Variants in SLC39A9 observed in about 807,000 individuals in gnomAD.
SLC39A9 encodes zinc transporter ZIP9.
Under a neutral mutation model 28.4 loss-of-function variants are expected in SLC39A9, and 14 were observed. That is an observed-to-expected ratio of 0.49 (90% CI 0.33 to 0.77). The LOEUF is 0.77. Among genes scored for constraint, SLC39A9 ranks in the 30% least tolerant of loss-of-function variants. SLC39A9 has a pLI of 0.02. For synonymous variants in SLC39A9, 119 were observed against 149.6 expected (o/e 0.80, Z 1.49); for missense variants, 283 against 381.1 (o/e 0.74, Z 2.14).
chr14:69,413,153 G>A (rs898976450), intron 1 of SLC39A9, among the ~76,000 whole-genome samples: 16 of 152,066 alleles, frequency 1.1e-4, no homozygotes, highest in African/African-American at 3.9e-4. Context: ...TCAGGAGATC[G>A]AGACCATCCT....
intron 1 of SLC39A9, among the ~76,000 whole-genome samples, chr14:69,406,159 G>GTA (rs80338582): frequency 0.061 from 9,290 of 152,256 alleles, 313 homozygotes; most frequent in Middle Eastern, 0.088. Context: ...ACCTTCCACA[G>GTA]TATATCTCAT....
rs187098200 is a variant in SLC39A9 at position 69,456,245 on chromosome 14, G to A, written c.693+379G>A. On this transcript the variant is annotated intron_variant, in intron 6 of 6. Coordinates refer to ENST00000336643, the MANE Select transcript of SLC39A9 (RefSeq NM_018375.5). ...AGCGTGAGTAACAAGCCACATAGCC[G>A]CTTTGAGAAGAGCAGCAGCTGGGCA... Among the ~76,000 whole-genome samples the A allele has an allele frequency of 2.6e-5, 4 of 152,302 alleles. No individual in the cohort carries two copies. In the South Asian group the frequency reaches 6.2e-4, roughly 24 times the overall value.
intron 1 of SLC39A9, among the ~76,000 whole-genome samples, chr14:69,407,713 A>G (rs1310174634): frequency 6.7e-6 from 1 of 150,144 alleles, no homozygotes; most frequent in African/African-American, 2.5e-5. Flanking sequence ...ATCTCGGCTC[A>G]CTGCAACCTC....
intron 3 of SLC39A9, among the ~76,000 whole-genome samples, chr14:69,444,077 T>G (rs1213018823): frequency 6.6e-6 from 1 of 151,008 alleles, no homozygotes; most frequent in East Asian, 2.0e-4. Flanking sequence ...TCGCAGCTAC[T>G]CAGGAGGCTT....
chr14:69,455,862 G>A lies in SLC39A9; in HGVS notation c.689G>A (p.Ser230Asn). 6.2e-7 allele frequency: 1 copy of A among 1,614,084 alleles called. No homozygotes were observed. Among genetic ancestry groups the A allele is most frequent in the Non-Finnish European group, 8.5e-7 (1 of 1,179,992 alleles). Reference sequence around the variant, plus strand: ...TCCATGGTGACATACTTAGGACTGAGTAAGGTAAGCTAATCTATTCCCAGC... The same window carrying A: ...TCCATGGTGACATACTTAGGACTGAATAAGGTAAGCTAATCTATTCCCAGC... The part of the protein sequence containing the change: ...VMSMVTYLGL[S>N]KSSKEALSEV... Residue 230 changes from serine (S) to asparagine (N), a missense_variant, in exon 6 of 7, where the codon AGT becomes AAT. By Grantham distance (46) the Ser-to-Asn change is conservative (BLOSUM62 1). Transcript: ENST00000336643.
intron 5 of SLC39A9, 145 bp downstream of exon 5, chr14:69,455,042 A>T: frequency 1.6e-6 from 1 of 615,332 alleles, no homozygotes; most frequent in Non-Finnish European, 2.8e-6. Flanking sequence ...AAATCTGTTC[A>T]TAGCTTCTTG....
intron 2 of SLC39A9, 101 bp downstream of exon 2, chr14:69,424,303 A>G (rs1884068678): frequency 4.8e-6 from 4 of 829,332 alleles, no homozygotes; most frequent in South Asian, 3.0e-5. Flanking sequence ...CATGTTTACC[A>G]TAGAGTTCTA....
At chr14:69,418,848 G>A (rs1023523578) in intron 1 of SLC39A9, among the ~76,000 whole-genome samples, 4 of 152,096 alleles carry the variant, frequency 2.6e-5, no homozygotes, top group Admixed American at 6.5e-5. Flanking sequence ...TGGGATCAGT[G>A]GTGATATCCC....
upstream of SLC39A9, chr14:69,398,461 G>C (rs961417152): frequency 4.9e-6 from 3 of 609,574 alleles, no homozygotes; most frequent in Admixed American, 8.9e-5. Flanking sequence ...GTAAGGGAAA[G>C]TTTCCAAGCT....
intron 1 of SLC39A9, among the ~76,000 whole-genome samples, chr14:69,409,136 G>A (rs1883105008): frequency 6.6e-6 from 1 of 152,114 alleles, no homozygotes; most frequent in Non-Finnish European, 1.5e-5. Context: ...ATACGGTAAC[G>A]TATAAAAGGA....
In SLC39A9 at chr14:69,448,144, G is replaced by A. The variant is rs184238756; in HGVS notation, c.404-5097G>A. Among the ~76,000 whole-genome samples, 1,090 of 149,780 alleles carry A rather than the reference G, an allele frequency of 7.3e-3. 4 individuals carry two copies. The highest frequency in any genetic ancestry group is 0.012 in the Non-Finnish European group (779 of 67,572). On this transcript the variant is annotated intron_variant, in intron 3 of 6. Transcript: ENST00000336643. ...GCAGGAGAATGGCGTGAACATGGGA[G>A]GCGGAGCTTGCAGTGAGCCGAGGTC...
intron 2 of SLC39A9, among the ~76,000 whole-genome samples, chr14:69,439,640 C>T (rs796814018): frequency 1.3e-4 from 20 of 152,228 alleles, no homozygotes; most frequent in African/African-American, 3.9e-4. Flanking sequence ...GTGTTGGAGG[C>T]GGGGCCTGGT....
In SLC39A9 at chr14:69,399,346, T is replaced by C. The variant is rs1451295819; in HGVS notation, c.-24T>C. On this transcript the variant is annotated 5_prime_UTR_variant, in exon 1 of 7. Coordinates refer to ENST00000336643, the MANE Select transcript of SLC39A9 (RefSeq NM_018375.5). ...CACTGGAAATTTGTTGTCTAGTGGT[T>C]GTGGGTGAATAAAGGAGGGCAGAAT... The C allele has an allele frequency of 6.2e-7, 1 of 1,606,290 alleles. No homozygotes were observed. Among genetic ancestry groups the C allele is most frequent in the South Asian group, 1.1e-5 (1 of 90,476 alleles).
intron 2 of SLC39A9, among the ~76,000 whole-genome samples, chr14:69,437,926 A>G (rs1035409039): frequency 1.3e-5 from 2 of 151,664 alleles, no homozygotes; most frequent in Middle Eastern, 3.2e-3. Context: ...CTGTCTCCAG[A>G]TTTTTTACAT....
At chr14:69,423,833 G>A (rs1884030869) in intron 1 of SLC39A9, among the ~76,000 whole-genome samples, 1 of 151,014 alleles carries the variant, frequency 6.6e-6, no homozygotes, top group Non-Finnish European at 1.5e-5. Context: ...GGGAGGCGAA[G>A]GCTGCAGTGA....
At chr14:69,417,105 G>A (rs890968634) in intron 1 of SLC39A9, among the ~76,000 whole-genome samples, 1 of 152,158 alleles carries the variant, frequency 6.6e-6, no homozygotes, top group Non-Finnish European at 1.5e-5. Context: ...ATGGTTTTAG[G>A]TGTAACATTT....
chr14:69,436,260 C>T (rs1159049066), intron 2 of SLC39A9, among the ~76,000 whole-genome samples: 3 of 151,988 alleles, frequency 2.0e-5, no homozygotes, highest in Non-Finnish European at 2.9e-5. Context: ...ATTATTTTTC[C>T]AAAAGTATGT....
intron 3 of SLC39A9, among the ~76,000 whole-genome samples, chr14:69,447,660 C>G (rs1885397393): frequency 6.6e-6 from 1 of 152,090 alleles, no homozygotes; most frequent in Admixed American, 6.5e-5. Context: ...GCCTGTAATC[C>G]CAGGACTTTG....
intron 2 of SLC39A9, among the ~76,000 whole-genome samples, chr14:69,426,034 C>T (rs999473511): frequency 2.6e-5 from 4 of 152,106 alleles, no homozygotes; most frequent in African/African-American, 9.7e-5. Context: ...TCTCTCTAAC[C>T]GTGTTTTTCC....
Sources: gnomAD v4.1 joint callset for allele counts (sites outside exome capture counted in the v4.1 genomes callset) on GRCh38, gnomAD v4.1.1 for gene constraint, MANE v1.5 for transcripts, NCBI Gene and HGNC (gene_info 2026-07-23, HGNC 2026-07-21) for gene names.